Variants in CNTLN observed in about 807,000 individuals in gnomAD.
CNTLN encodes the protein centlein.
CNTLN carries 212 observed loss-of-function variants against 180.0 expected under a neutral mutation model. The ratio of observed to expected loss-of-function variants is 1.18; its 90% confidence interval spans 1.05 to 1.32. CNTLN has a LOEUF of 1.32. Among genes scored for constraint, CNTLN ranks in the 40% most tolerant of loss-of-function variants. CNTLN has a pLI of 0.00. For synonymous variants in CNTLN, 722 were observed against 563.1 expected, an observed-to-expected ratio of 1.28 and a Z score of -3.99; for missense variants, 2,095 against 1,610.9, an observed-to-expected ratio of 1.30 and a Z score of -5.14.
At chr9:17,456,852 A>G (rs1831150606) in intron 18 of CNTLN, among the ~76,000 whole-genome samples, 1 of 151,992 alleles carries the variant, frequency 6.6e-6, no homozygotes. Flanking sequence ...TTTCTTTTAT[A>G]CTCCTTCATA....
chr9:17,160,064 T>C (rs1819571721), intron 2 of CNTLN, among the ~76,000 whole-genome samples: 1 of 152,222 alleles, frequency 6.6e-6, no homozygotes, highest in South Asian at 2.1e-4. Flanking sequence ...ATTCACTGAC[T>C]TTAGAAGTTG....
chr9:17,228,354 A>G (rs1450659352), intron 3 of CNTLN, among the ~76,000 whole-genome samples: 1 of 152,084 alleles, frequency 6.6e-6, no homozygotes, highest in Non-Finnish European at 1.5e-5. Flanking sequence ...TTAAACTCTC[A>G]TAATAGAAAT....
chr9:17,267,919 G>A (rs7019673), intron 5 of CNTLN, among the ~76,000 whole-genome samples: 121,339 of 152,070 alleles, frequency 0.8, 49,549 homozygotes, highest in East Asian at 1. Flanking sequence ...TGCATTAGTT[G>A]TTCTAGTTAT....
At chr9:17,392,138 A>G (rs563882455) in intron 14 of CNTLN, among the ~76,000 whole-genome samples, 82 of 152,272 alleles carry the variant, frequency 5.4e-4, no homozygotes, top group Non-Finnish European at 9.3e-4. Context: ...GTGATGGTGC[A>G]TGCCTCTGGT....
chr9:17,518,005 C>T, the CNTLN span, among the ~76,000 whole-genome samples: 10 of 150,404 alleles, frequency 6.6e-5, no homozygotes, highest in Admixed American at 4.0e-4. Flanking sequence ...CCTACCCCCA[C>T]CTCCATAAAG....
At chr9:17,196,881 T>G (rs893425714) in intron 2 of CNTLN, among the ~76,000 whole-genome samples, 8 of 152,096 alleles carry the variant, frequency 5.3e-5, no homozygotes, top group Admixed American at 3.9e-4. Flanking sequence ...ATTATTTTAG[T>G]TATTTTAAAG....
chr9:17,450,176 A>G (rs1228785907), intron 18 of CNTLN, among the ~76,000 whole-genome samples: 1 of 152,214 alleles, frequency 6.6e-6, no homozygotes, highest in East Asian at 1.9e-4. Flanking sequence ...AGACCCATAA[A>G]AAAACTGCTT....
At chr9:17,372,146 AC>A (rs1587810770) in intron 13 of CNTLN, among the ~76,000 whole-genome samples, 1 of 152,292 alleles carries the variant, frequency 6.6e-6, no homozygotes, top group East Asian at 1.9e-4. Context: ...AATGAATAAA[AC>A]AATATGAAAA....
At chr9:17,332,138 T>C (rs1820686448) in intron 9 of CNTLN, among the ~76,000 whole-genome samples, 1 of 152,090 alleles carries the variant, frequency 6.6e-6, no homozygotes, top group South Asian at 2.1e-4. Flanking sequence ...GTATAAGATC[T>C]ACTGTCTGTT....
intron 6 of CNTLN, among the ~76,000 whole-genome samples, chr9:17,287,329 A>G (rs1402501370): frequency 1.4e-5 from 2 of 147,838 alleles, no homozygotes; most frequent in African/African-American, 5.0e-5. Context: ...GCGTATATTG[A>G]ACCAGCCTTG....
rs1428786912 is a variant in CNTLN, at chr9:17,289,149, G to A, written c.984-9041G>A. On this transcript the variant is annotated intron_variant, in intron 6 of 25. Transcript: ENST00000380647. ...CATGATTTTGCAGCGGCTGGTACCA[G>A]TTGTTCCTTTCCATGTTTAGCGCTT... 1.7e-5 allele frequency among the ~76,000 whole-genome samples: 2 copies of A among 115,534 alleles called. 1 individual carries two copies. The highest frequency in any genetic ancestry group is 3.4e-5 in the Non-Finnish European group (2 of 58,502). 75.8% of individuals were successfully genotyped at this position (115,534 alleles called of 152,430 possible). A position where few individuals can be genotyped will look rare whatever the true frequency, so the allele number is the denominator to read the frequency against.
At chr9:17,475,696 C>G (rs1832297631) in intron 23 of CNTLN, among the ~76,000 whole-genome samples, 1 of 151,978 alleles carries the variant, frequency 6.6e-6, no homozygotes, top group Non-Finnish European at 1.5e-5. Context: ...CATGGTGAAA[C>G]TCCGTCTCTA....
chr9:17,298,832 T>C, intron 7 of CNTLN: 2 of 985,996 alleles, frequency 2.0e-6, no homozygotes, highest in Non-Finnish European at 2.4e-6. Context: ...TTTTGTGTGT[T>C]TCTGTTCAGT....
chr9:17,366,120 A>T (rs1823796200), intron 12 of CNTLN, among the ~76,000 whole-genome samples: 1 of 152,016 alleles, frequency 6.6e-6, no homozygotes, highest in Non-Finnish European at 1.5e-5. Context: ...ATTTGGGCAT[A>T]TTATTACTAT....
the CNTLN span, among the ~76,000 whole-genome samples, chr9:17,519,931 T>C: frequency 6.6e-6 from 1 of 152,180 alleles, no homozygotes; most frequent in Non-Finnish European, 1.5e-5. Context: ...GGAAATGTGC[T>C]AAATAACCCT....
intron 8 of CNTLN, among the ~76,000 whole-genome samples, chr9:17,312,365 T>TATAATATATATATATATATATA (rs1563984875): frequency 4.2e-4 from 3 of 7,214 alleles, no homozygotes; most frequent in Admixed American, 2.1e-3. Context: ...ATATATATAT[T>TATAATATATATATATATATATA]ATATATATAT....
intron 25 of CNTLN, among the ~76,000 whole-genome samples, chr9:17,499,755 A>G (rs536022266): frequency 4.6e-5 from 7 of 152,188 alleles, no homozygotes; most frequent in African/African-American, 1.4e-4. Flanking sequence ...ATTTTGTCAT[A>G]TTTTCTGTTA....
intron 2 of CNTLN, among the ~76,000 whole-genome samples, chr9:17,192,772 A>G (rs1196856263): frequency 6.6e-6 from 1 of 152,344 alleles, no homozygotes; most frequent in African/African-American, 2.4e-5. Context: ...AGTGAATGCA[A>G]TTTACATTTA....
intron 15 of CNTLN, among the ~76,000 whole-genome samples, chr9:17,404,442 A>T (rs1045815639): frequency 6.6e-6 from 1 of 151,688 alleles, no homozygotes; most frequent in East Asian, 1.9e-4. Flanking sequence ...TTGAGGGAAC[A>T]CAATTATGGT....
Sources: allele counts gnomAD v4.1 joint callset (sites outside exome capture counted in the v4.1 genomes callset), GRCh38; gene constraint gnomAD v4.1.1; transcripts MANE v1.5; gene names NCBI Gene and HGNC (gene_info 2026-07-23, HGNC 2026-07-21).